Variants in ZNF385D observed in about 807,000 individuals in gnomAD.
The protein encoded by ZNF385D is zinc finger protein 659.
ZNF385D carries 15 observed loss-of-function variants against 35.8 expected under a neutral mutation model. The observed-to-expected ratio is 0.42, with a 90% confidence interval of 0.28 to 0.64. The LOEUF (loss-of-function observed/expected upper bound fraction) is 0.64, where lower values mean the gene tolerates loss of function less well. ZNF385D is among the 30% of genes least tolerant of loss of function. The pLI is 0.23. For synonymous variants in ZNF385D, 212 were observed against 186.8 expected (o/e 1.13, Z -1.10); for missense variants, 474 against 494.6 (o/e 0.96, Z 0.39).
chr3:21,704,958 G>A (rs899584500), intron 1 of ZNF385D, among the ~76,000 whole-genome samples: 8 of 152,100 alleles, frequency 5.3e-5, no homozygotes, highest in African/African-American at 1.9e-4. Context: ...TGTCTCATAT[G>A]GCTTGGTGGT....
At position 22,298,372 on chromosome 3, in the gene ZNF385D, GTA is replaced by G. The variant is rs1304988884; in HGVS notation, c.106+74076_106+74077del. 1.4e-3 allele frequency among the ~76,000 whole-genome samples: 183 copies of G among 133,476 alleles called. 1 individual carries two copies. The highest frequency in any genetic ancestry group is 3.6e-3 in the African/African-American group (134 of 37,088). 87.6% of individuals were successfully genotyped at this position (133,476 alleles called of 152,430 possible). On this transcript the variant is annotated intron_variant, in intron 2 of 5. Transcript: ENST00000494108. ...GGAGGAGAAGAGGAGAAAGCAGTAT[GTA>G]TGTGTGTGTGTGTGTGTGTGTATAT...
chr3:22,011,932 G>A (rs1696598667), intron 3 of ZNF385D, among the ~76,000 whole-genome samples: 1 of 152,088 alleles, frequency 6.6e-6, no homozygotes, highest in South Asian at 2.1e-4. Flanking sequence ...GGCCTAAGCA[G>A]GCAACAGGTT....
intron 3 of ZNF385D, among the ~76,000 whole-genome samples, chr3:21,839,391 A>T (rs1695522518): frequency 6.6e-6 from 1 of 152,132 alleles, no homozygotes; most frequent in Non-Finnish European, 1.5e-5. Context: ...TCATCATAAA[A>T]GATGACTAAA....
intron 1 of ZNF385D, among the ~76,000 whole-genome samples, chr3:21,727,487 A>G (rs2068816358): frequency 6.6e-6 from 1 of 152,166 alleles, no homozygotes; most frequent in African/African-American, 2.4e-5. Flanking sequence ...GAAAAAAACA[A>G]CCCCATCAAA....
intron 3 of ZNF385D, among the ~76,000 whole-genome samples, chr3:22,083,956 C>T (rs538670097): frequency 6.6e-6 from 1 of 152,290 alleles, no homozygotes; most frequent in South Asian, 2.1e-4. Flanking sequence ...GAATTTTCAA[C>T]CCATAATTTC....
intron 3 of ZNF385D, among the ~76,000 whole-genome samples, chr3:21,918,091 T>C (rs1369613656): frequency 1.3e-5 from 2 of 152,224 alleles, no homozygotes; most frequent in Non-Finnish European, 2.9e-5. Flanking sequence ...AGAATGCTTC[T>C]CAATGTGTTT....
intron 3 of ZNF385D, among the ~76,000 whole-genome samples, chr3:22,112,095 C>T (rs1011978939): frequency 6.6e-6 from 1 of 152,170 alleles, no homozygotes; most frequent in Non-Finnish European, 1.5e-5. Flanking sequence ...AGTCAAGCTG[C>T]TGCAGCAAAA....
intron 1 of ZNF385D, among the ~76,000 whole-genome samples, chr3:21,740,627 C>T (rs181802693): frequency 6.6e-4 from 100 of 152,252 alleles, no homozygotes; most frequent in Middle Eastern, 3.4e-3. Context: ...CAGGCCCACA[C>T]GTCATGCCAT....
chr3:22,357,100 A>C (rs529882597), intron 2 of ZNF385D, among the ~76,000 whole-genome samples: 46 of 152,082 alleles, frequency 3.0e-4, no homozygotes, highest in Admixed American at 1.6e-3. Flanking sequence ...AGAAGTTCAC[A>C]TACATAATTA....
chr3:22,135,874 TAAAG>T (rs201434152), intron 3 of ZNF385D, among the ~76,000 whole-genome samples: 2,166 of 152,198 alleles, frequency 0.014, 42 homozygotes, highest in African/African-American at 0.043. Context: ...AACAATTAAA[TAAAG>T]AAAGGTTAAT....
chr3:22,220,417 A>C (rs1219446865), intron 2 of ZNF385D, among the ~76,000 whole-genome samples: 1 of 145,868 alleles, frequency 6.9e-6, no homozygotes, highest in Non-Finnish European at 1.5e-5. Context: ...TCAGAACTCC[A>C]TAGCAACAAT....
intron 3 of ZNF385D, among the ~76,000 whole-genome samples, chr3:21,810,357 T>C (rs2072861182): frequency 7.1e-6 from 1 of 140,834 alleles, no homozygotes; most frequent in Non-Finnish European, 1.5e-5. Flanking sequence ...ACTATACATG[T>C]GTGTCTGGGG....
chr3:22,024,427 G>C (rs73137154), intron 3 of ZNF385D, among the ~76,000 whole-genome samples: 25 of 151,822 alleles, frequency 1.6e-4, no homozygotes, highest in African/African-American at 6.0e-4. Context: ...ATTAAGGATG[G>C]AGTTATTTCC....
At chr3:22,286,978 A>T (rs1162830468) in intron 2 of ZNF385D, among the ~76,000 whole-genome samples, 1 of 152,028 alleles carries the variant, frequency 6.6e-6, no homozygotes, top group Non-Finnish European at 1.5e-5. Context: ...TAGGATGTTG[A>T]TCCCCTACAA....
intron 4 of ZNF385D, among the ~76,000 whole-genome samples, chr3:21,479,627 C>T (rs1704477330): frequency 6.6e-6 from 1 of 152,124 alleles, no homozygotes; most frequent in Non-Finnish European, 1.5e-5. Flanking sequence ...CAGTGTTCAG[C>T]AGGCTGCTGA....
At chr3:21,959,510 T>C (rs948096245) in intron 3 of ZNF385D, among the ~76,000 whole-genome samples, 6 of 152,176 alleles carry the variant, frequency 3.9e-5, no homozygotes, top group African/African-American at 1.4e-4. Flanking sequence ...TCATTTCAAA[T>C]TGATATTTTC....
At chr3:21,964,593 G>A (rs943063039) in intron 3 of ZNF385D, among the ~76,000 whole-genome samples, 10 of 144,098 alleles carry the variant, frequency 6.9e-5, no homozygotes, top group African/African-American at 1.3e-4. Context: ...AGGTTCAAGC[G>A]ATTCTCCTGC....
intron 3 of ZNF385D, among the ~76,000 whole-genome samples, chr3:21,975,818 TA>T (rs144901080): frequency 3.0e-4 from 43 of 141,296 alleles, no homozygotes; most frequent in Admixed American, 1.6e-3. Flanking sequence ...CCCATGAAAA[TA>T]AAAAAAAAAT....
chr3:21,425,371 G>C lies in ZNF385D; in HGVS notation c.852+121C>G, dbSNP rs913284663. 10 of 992,662 alleles carry C rather than the reference G, an allele frequency of 1.0e-5. No individual in the cohort carries two copies. In the African/African-American group the frequency reaches 1.2e-4, roughly 12 times the overall value. 61.5% of individuals were successfully genotyped at this position (992,662 alleles called of 1,614,324 possible). On this transcript the variant is annotated intron_variant, in intron 6 of 7. Transcript: ENST00000281523. ...GGGTTAACAGATGGGCAGATGGAGG[G>C]ATGGATGAATAGATGGGTGAATGGG...
Sources: gnomAD v4.1 joint callset for allele counts (sites outside exome capture counted in the v4.1 genomes callset) on GRCh38, gnomAD v4.1.1 for gene constraint, MANE v1.5 for transcripts, NCBI Gene and HGNC (gene_info 2026-07-23, HGNC 2026-07-21) for gene names.